Variants in DCDC2C observed in about 807,000 individuals in gnomAD.
DCDC2C encodes doublecortin domain containing 2C.
In DCDC2C, 44 loss-of-function variants were observed where a neutral mutation model predicts 45.0. That is an observed-to-expected ratio of 0.98 (90% CI 0.77 to 1.26). DCDC2C has a LOEUF of 1.26. Ranked by LOEUF, DCDC2C falls within the 50% of genes most tolerant of loss-of-function variation. DCDC2C has a pLI of 0.00. For missense variants in DCDC2C, 447 were observed against 468.9 expected, an observed-to-expected ratio of 0.95 and a Z score of 0.43; for synonymous variants, 187 against 178.8, an observed-to-expected ratio of 1.05 and a Z score of -0.37.
intron 2 of DCDC2C, among the ~76,000 whole-genome samples, chr2:3,709,043 A>G (rs1668139860): frequency 1.3e-5 from 2 of 152,202 alleles, no homozygotes; most frequent in Admixed American, 1.3e-4. Context: ...ATTCCATCAC[A>G]CCGTTCTTAT....
intron 3 of DCDC2C, among the ~76,000 whole-genome samples, chr2:3,731,254 G>A (rs919444204): frequency 9.2e-5 from 14 of 152,136 alleles, no homozygotes; most frequent in African/African-American, 3.1e-4. Flanking sequence ...CACTTAAGAC[G>A]GCTTCCCATC....
At chr2:3,806,345 A>G (rs1671242581) in intron 10 of DCDC2C, among the ~76,000 whole-genome samples, 1 of 152,180 alleles carries the variant, frequency 6.6e-6, no homozygotes, top group Non-Finnish European at 1.5e-5. Flanking sequence ...GTGTGCTTCT[A>G]TCAGCTTCCC....
intron 6 of DCDC2C, among the ~76,000 whole-genome samples, chr2:3,765,227 C>T (rs1472839892): frequency 6.6e-6 from 1 of 152,248 alleles, no homozygotes; most frequent in Non-Finnish European, 1.5e-5. Flanking sequence ...CATCCTCCTG[C>T]TCAGTTCATT....
chr2:3,781,331 A>AT (rs1670502349), intron 9 of DCDC2C, among the ~76,000 whole-genome samples: 1 of 152,240 alleles, frequency 6.6e-6, no homozygotes, highest in Non-Finnish European at 1.5e-5. Context: ...TTTATTTGAT[A>AT]TTGATGATAT....
chr2:3,846,264 TCTC>T (rs1265592699), intron 10 of DCDC2C, among the ~76,000 whole-genome samples: 2 of 151,162 alleles, frequency 1.3e-5, no homozygotes, highest in Non-Finnish European at 2.9e-5. Context: ...ACTCCCTTCT[TCTC>T]CTCCTTTTCA....
intron 10 of DCDC2C, among the ~76,000 whole-genome samples, chr2:3,824,532 G>A (rs778136146): frequency 2.4e-4 from 37 of 152,222 alleles, no homozygotes; most frequent in Admixed American, 1.1e-3. Context: ...GCCTTTTTGC[G>A]GGGGCTTGAA....
chr2:3,715,579 CA>C (rs1294708731), intron 2 of DCDC2C, among the ~76,000 whole-genome samples: 3 of 149,618 alleles, frequency 2.0e-5, no homozygotes, highest in African/African-American at 7.7e-5. Context: ...CTAAACTTTC[CA>C]TCCATCCATC....
intron 4 of DCDC2C, among the ~76,000 whole-genome samples, chr2:3,750,976 T>C (rs1363214205): frequency 1.3e-5 from 2 of 152,222 alleles, no homozygotes; most frequent in African/African-American, 4.8e-5. Flanking sequence ...AGCTTGCACC[T>C]GCTCCATGTC....
At chr2:3,776,528 AAG>A (rs1410103698) in intron 8 of DCDC2C, among the ~76,000 whole-genome samples, 1 of 152,190 alleles carries the variant, frequency 6.6e-6, no homozygotes, top group Non-Finnish European at 1.5e-5. Flanking sequence ...TTCCTTTGGC[AAG>A]AGAATCTCGT....
At chr2:3,742,990 TG>T (rs1669260058) in intron 4 of DCDC2C, among the ~76,000 whole-genome samples, 1 of 152,216 alleles carries the variant, frequency 6.6e-6, no homozygotes, top group Admixed American at 6.5e-5. Flanking sequence ...GCCTGGTGGC[TG>T]TGAAGATAAT....
chr2:3,746,219 C>T lies in DCDC2C; in HGVS notation c.545+4171C>T, dbSNP rs374755541. Reference sequence around the variant, plus strand: ...CAGCATGTTCTTGAGAGGGAGCACACGGCCGGGGGAGCCCAGACTAAGAGA... The same window carrying T: ...CAGCATGTTCTTGAGAGGGAGCACATGGCCGGGGGAGCCCAGACTAAGAGA... On this transcript the variant is annotated intron_variant, in intron 4 of 10. Transcript: ENST00000399143. Among the ~76,000 whole-genome samples, 14 of 152,274 alleles carry T rather than the reference C, an allele frequency of 9.2e-5. 1 individual carries two copies. Among genetic ancestry groups the T allele is most frequent in the South Asian group, 4.2e-4 (2 of 4,812 alleles).
intron 10 of DCDC2C, among the ~76,000 whole-genome samples, chr2:3,786,291 C>T (rs552935077): frequency 3.4e-5 from 5 of 149,172 alleles, no homozygotes; most frequent in Middle Eastern, 3.5e-3. Flanking sequence ...CCGCCCTCCA[C>T]GTGCAGTGAA....
At chr2:3,839,840 A>T (rs1672165964) in intron 10 of DCDC2C, among the ~76,000 whole-genome samples, 1 of 152,204 alleles carries the variant, frequency 6.6e-6, no homozygotes, top group Admixed American at 6.5e-5. Flanking sequence ...TACTGAGTTC[A>T]GTTAACTGAA....
At chr2:3,766,083 C>A (rs945640293) in intron 6 of DCDC2C, among the ~76,000 whole-genome samples, 3 of 152,144 alleles carry the variant, frequency 2.0e-5, no homozygotes, top group Non-Finnish European at 4.4e-5. Context: ...GGGTGACTTT[C>A]CACGTCAGGG....
chr2:3,710,647 A>G (rs975972652), intron 2 of DCDC2C, among the ~76,000 whole-genome samples: 5 of 152,182 alleles, frequency 3.3e-5, no homozygotes, highest in African/African-American at 1.2e-4. Flanking sequence ...CCATCTATTA[A>G]TAGTAGTATC....
intron 8 of DCDC2C, among the ~76,000 whole-genome samples, chr2:3,772,918 G>A (rs1371641861): frequency 6.6e-6 from 1 of 152,164 alleles, no homozygotes; most frequent in African/African-American, 2.4e-5. Context: ...ACTTGACACG[G>A]AGACTCTCAC....
intron 10 of DCDC2C, among the ~76,000 whole-genome samples, chr2:3,811,600 G>C (rs990487572): frequency 6.6e-6 from 1 of 152,154 alleles, no homozygotes. Flanking sequence ...GCCCTGGCCA[G>C]AACTTCCAAT....
chr2:3,811,311 T>C (rs887744434), intron 10 of DCDC2C, among the ~76,000 whole-genome samples: 2 of 152,182 alleles, frequency 1.3e-5, no homozygotes, highest in Non-Finnish European at 2.9e-5. Flanking sequence ...TTGTAAATTG[T>C]ATTCCTAGGC....
intron 10 of DCDC2C, among the ~76,000 whole-genome samples, chr2:3,841,329 G>C (rs1205196217): frequency 6.7e-6 from 1 of 149,506 alleles, no homozygotes. Context: ...GGATTTAAAA[G>C]GCAAGGTGAA....
Sources: allele counts gnomAD v4.1 joint callset (sites outside exome capture counted in the v4.1 genomes callset), GRCh38; gene constraint gnomAD v4.1.1; transcripts MANE v1.5; gene names NCBI Gene and HGNC (gene_info 2026-07-23, HGNC 2026-07-21).